TPTE: variants seen among roughly 807,000 people sequenced by gnomAD.
TPTE encodes the protein transmembrane phosphatase with tensin homology, also known as putative tyrosine-protein phosphatase TPTE.
In TPTE, 59 loss-of-function variants were observed where a neutral mutation model predicts 84.1. The ratio of observed to expected loss-of-function variants is 0.70; its 90% CI spans 0.57 to 0.87. TPTE has a LOEUF of 0.87. Ranked by LOEUF, TPTE falls within the 40% of genes least tolerant of loss-of-function variation. The pLI, the probability that TPTE is intolerant of heterozygous loss-of-function variation, is 0.00. For synonymous variants in TPTE, 130 were observed against 223.5 expected (o/e 0.58, Z 3.73); for missense variants, 382 against 659.6 (o/e 0.58, Z 4.61).
intron 17 of TPTE, among the ~76,000 whole-genome samples, chr21:10,579,500 C>T (rs1260021983): frequency 1.3e-5 from 2 of 149,758 alleles, no homozygotes; most frequent in African/African-American, 2.5e-5. Flanking sequence ...AAAAAAATAA[C>T]AATAATCATA....
At chr21:10,571,079 C>T (rs112518432) in intron 14 of TPTE, among the ~76,000 whole-genome samples, 178 of 152,106 alleles carry the variant, frequency 1.2e-3, no homozygotes, top group African/African-American at 3.6e-3. Flanking sequence ...GCCTGGTGCC[C>T]GCCCTGCTGT....
intron 3 of TPTE, among the ~76,000 whole-genome samples, chr21:10,529,485 C>T (rs1465745321): frequency 6.6e-6 from 1 of 152,310 alleles, no homozygotes; most frequent in Non-Finnish European, 1.5e-5. Flanking sequence ...ACTCTAAAAT[C>T]TCAGCATTCA....
intron 23 of TPTE, 145 bp downstream of exon 23, chr21:10,603,777 T>C (rs1266503645): frequency 9.3e-7 from 1 of 1,079,602 alleles, no homozygotes; most frequent in African/African-American, 1.6e-5. Context: ...CTTGCCTTAC[T>C]CTTCTTACTT....
chr21:10,568,027 G>C (rs2074962901), intron 11 of TPTE, among the ~76,000 whole-genome samples: 2 of 152,310 alleles, frequency 1.3e-5, no homozygotes, highest in Admixed American at 1.3e-4. Context: ...AGAAGATGCA[G>C]TACCCCAAAG....
intron 3 of TPTE, among the ~76,000 whole-genome samples, chr21:10,535,277 T>C (rs1386917859): frequency 3.9e-5 from 6 of 152,310 alleles, no homozygotes; most frequent in Admixed American, 1.3e-4. Flanking sequence ...AAATGTGAAT[T>C]AGAAACAAGG....
chr21:10,537,855 C>T (rs1363985455), intron 3 of TPTE, among the ~76,000 whole-genome samples: 2 of 152,292 alleles, frequency 1.3e-5, no homozygotes, highest in African/African-American at 4.8e-5. Context: ...AGGGAAGTTC[C>T]CATTCAAGGG....
At chr21:10,605,059 C>A (rs374952620) in intron 23 of TPTE, among the ~76,000 whole-genome samples, 1 of 152,270 alleles carries the variant, frequency 6.6e-6, no homozygotes, top group African/African-American at 2.4e-5. Flanking sequence ...ATTGCAACCT[C>A]ACACATAAAT....
At chr21:10,527,835 A>G (rs2074107250) in intron 3 of TPTE, among the ~76,000 whole-genome samples, 2 of 152,300 alleles carry the variant, frequency 1.3e-5, no homozygotes, top group Non-Finnish European at 2.9e-5. Flanking sequence ...AGGTTTAGTC[A>G]CTTGATCCTA....
chr21:10,542,563 T>TCATCCATC (rs1242680334), intron 6 of TPTE, 115 bp downstream of exon 6: 110 of 822,008 alleles, frequency 1.3e-4, no homozygotes, highest in Admixed American at 3.7e-4. Context: ...ATCCATCCAT[T>TCATCCATC]CATCCATCCA....
chr21:10,549,586 C>A (rs1159914131), intron 7 of TPTE, among the ~76,000 whole-genome samples: 1 of 152,290 alleles, frequency 6.6e-6, no homozygotes, highest in South Asian at 2.1e-4. Flanking sequence ...CAGACAAGAA[C>A]AAGCAGAAGA....
At chr21:10,553,580 C>T (rs1351288235) in intron 8 of TPTE, among the ~76,000 whole-genome samples, 6 of 152,210 alleles carry the variant, frequency 3.9e-5, no homozygotes, top group Admixed American at 3.9e-4. Context: ...TTCCTTCTTT[C>T]CCCACTCCAA....
At chr21:10,553,728 A>G (rs935473993) in intron 8 of TPTE, among the ~76,000 whole-genome samples, 2 of 150,888 alleles carry the variant, frequency 1.3e-5, no homozygotes, top group African/African-American at 5.0e-5. Context: ...GATTTATAGT[A>G]AAAGCTGGAA....
intron 17 of TPTE, among the ~76,000 whole-genome samples, chr21:10,587,492 A>G (rs2075387310): frequency 6.6e-6 from 1 of 152,286 alleles, no homozygotes; most frequent in Non-Finnish European, 1.5e-5. Context: ...TTCCTGCATT[A>G]ATTTGCTCAG....
chr21:10,525,489 C>T (rs2074061859), intron 2 of TPTE, among the ~76,000 whole-genome samples: 1 of 152,312 alleles, frequency 6.6e-6, no homozygotes, highest in African/African-American at 2.4e-5. Context: ...GGAAAGCTTA[C>T]AGAAGCTTAT....
intron 17 of TPTE, among the ~76,000 whole-genome samples, chr21:10,581,019 C>T (rs2075262045): frequency 6.6e-6 from 1 of 152,308 alleles, no homozygotes; most frequent in African/African-American, 2.4e-5. Context: ...ATTTTTATAT[C>T]AAATTCCAGG....
chr21:10,588,495 T>C (rs1203873846), intron 17 of TPTE, among the ~76,000 whole-genome samples: 3 of 152,308 alleles, frequency 2.0e-5, no homozygotes, highest in East Asian at 1.9e-4. Context: ...GCCTTGGTAA[T>C]GTTCATTTTT....
chr21:10,532,824 T>C (rs2074201977), intron 3 of TPTE, among the ~76,000 whole-genome samples: 2 of 152,304 alleles, frequency 1.3e-5, no homozygotes, highest in Non-Finnish European at 2.9e-5. Flanking sequence ...ATTCAGAGAA[T>C]AGCAATATGA....
Position 10,603,599 on chromosome 21 carries a change from T to C in TPTE, c.1487T>C (p.Phe496Ser). The part of the protein sequence containing the change: ...PTYYDNCSFY[F>S]WLHTSFIENN... ...TACTATGACAATTGCTCATTTTACT[T>C]CTGGTTGCACACATCTTTTATTGAA... The change falls in exon 23 of 24, where the codon TTC becomes TCC. Residue 496 changes from phenylalanine to serine, a missense_variant. Phe to Ser is a radical substitution (Grantham distance 155, BLOSUM62 -2). Transcript: ENST00000618007. 6.2e-7 allele frequency: 1 copy of C among 1,612,594 alleles called. No homozygotes were observed. The highest frequency in any genetic ancestry group is 8.5e-7 in the Non-Finnish European group (1 of 1,178,884).
At chr21:10,587,980 C>T (rs1233167479) in intron 17 of TPTE, among the ~76,000 whole-genome samples, 5 of 152,416 alleles carry the variant, frequency 3.3e-5, no homozygotes, top group African/African-American at 4.8e-5. Flanking sequence ...TTCTGAGTCA[C>T]TGGGATTACA....
Sources: gnomAD v4.1 joint callset for allele counts (sites outside exome capture counted in the v4.1 genomes callset) on GRCh38, gnomAD v4.1.1 for gene constraint, MANE v1.5 for transcripts, NCBI Gene and HGNC (gene_info 2026-07-23, HGNC 2026-07-21) for gene names.